Variants in KIF26A observed in about 807,000 individuals in gnomAD.
KIF26A encodes the protein kinesin family member 26A, also known as kinesin-like protein KIF26A.
KIF26A carries 74 observed loss-of-function variants against 126.0 expected under a neutral mutation model. The observed-to-expected ratio is 0.59, with a 90% CI of 0.49 to 0.71. The LOEUF (loss-of-function observed/expected upper bound fraction) is 0.71. Ranked by LOEUF, KIF26A falls within the 30% of genes least tolerant of loss-of-function variation. The pLI, the probability that KIF26A is intolerant of heterozygous loss-of-function variation, is 0.00. For missense variants in KIF26A, 2,984 were observed against 2,763.3 expected (o/e 1.08, Z -1.79); for synonymous variants, 1,445 against 1,232.7 (o/e 1.17, Z -3.61).
chr14:104,139,176 A>C lies in KIF26A; in HGVS notation c.176A>C (p.Glu59Ala). The change falls in exon 2 of 15, where the codon GAG becomes GCG. Residue 59 changes from glutamate (E) to alanine (A), a missense_variant. By Grantham distance (107) the Glu-to-Ala change is moderately radical. Coordinates refer to ENST00000423312, the MANE Select transcript of KIF26A (RefSeq NM_015656.2). Reference protein sequence around the residue: ...PAPEGAGAGPEQGHSAGGGGW... With the variant: ...PAPEGAGAGPAQGHSAGGGGW... ...CCCGAAGGCGCCGGGGCCGGCCCAG[A>C]GCAGGGCCACTCGGCCGGCGGAGGC... The C allele has an allele frequency of 6.5e-7, 1 of 1,543,882 alleles. No homozygotes were observed. Among genetic ancestry groups the C allele is most frequent in the Non-Finnish European group, 8.7e-7 (1 of 1,144,822 alleles).
At chr14:104,165,585 C>G (rs925902354) in intron 4 of KIF26A, among the ~76,000 whole-genome samples, 1 of 140,112 alleles carries the variant, frequency 7.1e-6, no homozygotes, top group Admixed American at 6.9e-5. Flanking sequence ...ATGTGTGTGT[C>G]TGTGTGTCTA....
intron 4 of KIF26A, among the ~76,000 whole-genome samples, chr14:104,160,723 T>A (rs2037825371): frequency 6.6e-6 from 1 of 152,204 alleles, no homozygotes; most frequent in Non-Finnish European, 1.5e-5. Flanking sequence ...CGCTGGTTTG[T>A]GCCGGCGCTG....
intron 2 of KIF26A, among the ~76,000 whole-genome samples, chr14:104,144,354 T>C (rs569910602): frequency 2.0e-5 from 3 of 151,928 alleles, no homozygotes; most frequent in South Asian, 2.1e-4. Flanking sequence ...TGGTCACATG[T>C]GGGCTGGGTG....
At chr14:104,150,646 A>G (rs2141093962) in intron 2 of KIF26A, among the ~76,000 whole-genome samples, 1 of 152,114 alleles carries the variant, frequency 6.6e-6, no homozygotes, top group Middle Eastern at 3.4e-3. Context: ...CAGCTTCCTC[A>G]TCTGAGAAAT....
Position 104,158,113 on chromosome 14 carries a change from G to A in KIF26A, c.923+171G>A, listed in dbSNP as rs111453038. 6.8e-3 allele frequency among the ~76,000 whole-genome samples: 1,033 copies of A among 152,312 alleles called. 9 individuals are homozygous for A. The highest frequency in any genetic ancestry group is 0.024 in the African/African-American group (979 of 41,578). ...GCTGCTGAGCCGCTCACAGCCTGCCGGCCTCTCGGGCCCCATGCCCGATGT... is the reference window on the plus strand; with the variant it reads ...GCTGCTGAGCCGCTCACAGCCTGCCAGCCTCTCGGGCCCCATGCCCGATGT... On this transcript the variant is annotated intron_variant, in intron 4 of 14. Transcript: ENST00000423312.
chr14:104,179,539 G>GC, intron 14 of KIF26A, 70 bp from the exon 15 acceptor site: 1 of 1,441,814 alleles, frequency 6.9e-7, no homozygotes, highest in South Asian at 1.4e-5. Context: ...TGGGGCCTCT[G>GC]GGGGGCCAGG....
At chr14:104,164,921 G>T (rs1284436907) in intron 4 of KIF26A, among the ~76,000 whole-genome samples, 1 of 151,748 alleles carries the variant, frequency 6.6e-6, no homozygotes, top group African/African-American at 2.4e-5. Flanking sequence ...CTGTCTCTGT[G>T]TGTGTCTCTA....
At position 104,152,175 on chromosome 14, in the gene KIF26A, A is replaced by G. The variant is rs749757071; in HGVS notation, c.449A>G (p.Glu150Gly). 8.1e-6 allele frequency: 13 copies of G among 1,609,214 alleles called. No homozygotes were observed. In the Admixed American group the frequency reaches 2.2e-4, roughly 27 times the overall value. The change falls in exon 3 of 15, where the codon GAG becomes GGG. Residue 150 changes from glutamate (E) to glycine (G), a missense_variant. Transcript: ENST00000423312. The surrounding 1 kb of genome is among the most constrained non-coding windows in gnomAD (Gnocchi z 5.9). The part of the protein sequence containing the change: ...MHLLQAPASH[E>G]DLDAPHGGPS... ...CTGCTGCAGGCCCCTGCCAGCCATG[A>G]GGACCTTGACGCCCCCCATGGAGGC...
chr14:104,179,776 G>A lies in KIF26A; in HGVS notation c.5635G>A (p.Glu1879Lys), dbSNP rs1323176724. Residue 1879 changes from glutamate (E) to lysine (K), a missense_variant, in exon 15 of 15, where the codon GAG becomes AAG. Glu to Lys is a moderately conservative substitution (Grantham distance 56, BLOSUM62 1). Transcript: ENST00000423312. ...CAGTGCTGCCATCCCGGGGCCGCAG[G>A]AGGTGGACGTCTGAGGCTGGGCGCC... ...AASAAIPGPQ[E>K]VDV 6.5e-7 allele frequency: 1 copy of A among 1,540,906 alleles called. No homozygotes were observed. The highest frequency in any genetic ancestry group is 8.7e-7 in the Non-Finnish European group (1 of 1,144,544).
At chr14:104,166,356 C>T (rs1241610659) in intron 4 of KIF26A, among the ~76,000 whole-genome samples, 1 of 152,108 alleles carries the variant, frequency 6.6e-6, no homozygotes, top group East Asian at 1.9e-4. Context: ...TGTGTCAGTC[C>T]ATTAGGGCCA....
In KIF26A at chr14:104,165,567, C is replaced by CCA. The variant is rs1459723471; in HGVS notation, c.924-1292_924-1291insCA. ...TGCGTGTGTGTGTGTCTGTGTGTTT[C>CCA]TGTATGCATGTGTGTGTCTGTGTGT... On this transcript the variant is annotated intron_variant, in intron 4 of 14. Transcript: ENST00000423312. Among the ~76,000 whole-genome samples, 575 of 142,304 alleles carry CCA rather than the reference C, an allele frequency of 4.0e-3. 6 individuals carry two copies. The highest frequency in any genetic ancestry group is 0.014 in the Middle Eastern group (4 of 280). 93.4% of individuals were successfully genotyped at this position (142,304 alleles called of 152,430 possible).
chr14:104,147,925 C>T (rs1053221367), intron 2 of KIF26A, among the ~76,000 whole-genome samples: 8 of 152,092 alleles, frequency 5.3e-5, no homozygotes, highest in African/African-American at 1.4e-4. Flanking sequence ...TTTGTGGAGA[C>T]GGGTGATGGG....
intron 2 of KIF26A, among the ~76,000 whole-genome samples, chr14:104,142,297 C>T (rs1196232163): frequency 6.6e-6 from 1 of 152,088 alleles, no homozygotes; most frequent in Non-Finnish European, 1.5e-5. Context: ...GAGGGGAAGC[C>T]CCATGATGGG....
In KIF26A at chr14:104,177,208, C is replaced by A. The variant is rs546119372; in HGVS notation, c.4420C>A (p.His1474Asn). Residue 1474 changes from histidine to asparagine, a missense_variant, in exon 12 of 15, where the codon CAC (histidine) becomes AAC (asparagine). Coordinates refer to ENST00000423312, the MANE Select transcript of KIF26A (RefSeq NM_015656.2). The part of the protein sequence containing the change: ...KLGVPPSSPT[H>N]GPAPACRSGA... ...GGGTGTGCCACCCTCCAGCCCCACA[C>A]ACGGTCCAGCTCCCGCCTGTAGGAG... The A allele has an allele frequency of 1.3e-6, 2 of 1,594,720 alleles. No homozygotes were observed. The highest frequency in any genetic ancestry group is 3.4e-5 in the Admixed American group (2 of 59,660).
intron 2 of KIF26A, 129 bp downstream of exon 2, chr14:104,139,417 A>G: frequency 8.4e-7 from 1 of 1,185,840 alleles, no homozygotes; most frequent in Non-Finnish European, 1.1e-6. Context: ...GTTATCAGCC[A>G]GGACTTCCCT....
Position 104,175,635 on chromosome 14 carries a change from C to A in KIF26A, c.2847C>A (p.Pro949=), listed in dbSNP as rs781172169. The stretch of plus-strand genomic sequence containing the variant: ...TGAGTGGAGGCAGGAGGCCACTGCC[C>A]AGCCCGGCTCCCCCACCTCCTCAGT... ...AAVSGGRRPL[P]SPAPPPPQLL... Residue 949 remains proline (P), a synonymous_variant, in exon 12 of 15, where the codon CCC becomes CCA. Coordinates refer to ENST00000423312, the MANE Select transcript of KIF26A (RefSeq NM_015656.2). The A allele has an allele frequency of 6.2e-7, 1 of 1,610,742 alleles. No individual in the cohort carries two copies. The highest frequency in any genetic ancestry group is 8.5e-7 in the Non-Finnish European group (1 of 1,179,560).
At chr14:104,166,798 C>T (rs907848508) in intron 4 of KIF26A, 61 bp from the exon 5 acceptor site, 71 of 1,414,380 alleles carry the variant, frequency 5.0e-5, no homozygotes, top group African/African-American at 3.9e-4. Flanking sequence ...GACTCGCAGG[C>T]GGGTGACAGG....
chr14:104,156,774 C>A (rs1044417360), intron 3 of KIF26A, among the ~76,000 whole-genome samples: 5 of 152,326 alleles, frequency 3.3e-5, no homozygotes, highest in East Asian at 3.9e-4. Context: ...ACTTGGGACA[C>A]CCTGAGGACG....
chr14:104,150,700 G>A (rs764710073), intron 2 of KIF26A, among the ~76,000 whole-genome samples: 5 of 152,204 alleles, frequency 3.3e-5, no homozygotes, highest in Admixed American at 1.3e-4. Context: ...GGCCAACAGG[G>A]TGGCTGCATT....
Sources: gnomAD v4.1 joint callset for allele counts (sites outside exome capture counted in the v4.1 genomes callset) on GRCh38, gnomAD v4.1.1 for gene constraint, Gnocchi (gnomAD v3.1) non-coding constraint, MANE v1.5 for transcripts, NCBI Gene and HGNC (gene_info 2026-07-23, HGNC 2026-07-21) for gene names.